Variants in TEX9 observed in about 807,000 individuals in gnomAD.
The protein encoded by TEX9 is testis expressed 9, also known as testis-expressed protein 9.
A neutral mutation model predicts 59.6 loss-of-function variants in TEX9; 74 were observed. That is an observed-to-expected ratio of 1.24 (90% CI 1.03 to 1.51). TEX9 has a LOEUF of 1.51. Ranked by LOEUF, TEX9 falls within the 40% of genes most tolerant of loss-of-function variation. The pLI, the probability that TEX9 is intolerant of heterozygous loss-of-function variation, is 0.00. For synonymous variants in TEX9, 186 were observed against 152.2 expected (o/e 1.22, Z -1.64); for missense variants, 522 against 447.8 (o/e 1.17, Z -1.49).
At chr15:56,325,284 G>T (rs1195190121) in intron 1 of TEX9, among the ~76,000 whole-genome samples, 1 of 152,176 alleles carries the variant, frequency 6.6e-6, no homozygotes, top group Admixed American at 6.5e-5. Flanking sequence ...AGTGGTGAAA[G>T]AAAGAACAGA....
At chr15:56,319,795 G>A (rs1238384860) in intron 1 of TEX9, among the ~76,000 whole-genome samples, 2 of 152,124 alleles carry the variant, frequency 1.3e-5, no homozygotes, top group Non-Finnish European at 2.9e-5. Context: ...AAAATATTGT[G>A]AATCATATCT....
intron 1 of TEX9, among the ~76,000 whole-genome samples, chr15:56,290,237 G>C (rs1596068255): frequency 6.6e-6 from 1 of 152,028 alleles, no homozygotes; most frequent in East Asian, 1.9e-4. Context: ...TGCAGGGAGG[G>C]TCATGCACTC....
exon 9 of TEX9, chr15:56,394,823 T>G: frequency 6.2e-7 from 1 of 1,608,488 alleles, no homozygotes; most frequent in East Asian, 2.2e-5. Context: ...ACAGTTGTCT[T>G]CAGTAGAAAG....
intron 1 of TEX9, among the ~76,000 whole-genome samples, chr15:56,247,240 C>T (rs2043880698): frequency 2.6e-5 from 4 of 152,050 alleles, no homozygotes; most frequent in Non-Finnish European, 5.9e-5. Flanking sequence ...CAGTATTGGG[C>T]ACGGAAAATA....
intron 1 of TEX9, among the ~76,000 whole-genome samples, chr15:56,333,403 A>C (rs555864757): frequency 1.3e-5 from 2 of 152,192 alleles, no homozygotes; most frequent in African/African-American, 4.8e-5. Context: ...CAACAGAATG[A>C]AGGAAAAAAA....
At chr15:56,457,959 A>G in the TEX9 span, among the ~76,000 whole-genome samples, 4 of 152,202 alleles carry the variant, frequency 2.6e-5, no homozygotes, top group African/African-American at 9.7e-5. Context: ...GCCAATACCA[A>G]AAATACTCCA....
exon 1 of TEX9, chr15:56,365,464 G>A (rs766393922): frequency 2.5e-6 from 4 of 1,613,576 alleles, no homozygotes. Context: ...GCGGGGCGAA[G>A]TCTGTGTCTC....
At chr15:56,335,775 C>G (rs2046245378) in intron 1 of TEX9, among the ~76,000 whole-genome samples, 1 of 151,924 alleles carries the variant, frequency 6.6e-6, no homozygotes, top group Admixed American at 6.6e-5. Context: ...AATATATATA[C>G]CTACTATATA....
chr15:56,327,291 C>T (rs1167561008), intron 1 of TEX9, among the ~76,000 whole-genome samples: 2 of 152,070 alleles, frequency 1.3e-5, no homozygotes, highest in African/African-American at 4.8e-5. Context: ...TAGATTAGTT[C>T]CGGGTTTTTG....
At chr15:56,368,883 T>C (rs906256909) in intron 2 of TEX9, among the ~76,000 whole-genome samples, 3 of 152,160 alleles carry the variant, frequency 2.0e-5, no homozygotes, top group Non-Finnish European at 4.4e-5. Flanking sequence ...TAATCTGTGC[T>C]ATTTTAAAAT....
intron 1 of TEX9, among the ~76,000 whole-genome samples, chr15:56,260,718 A>G (rs1483123665): frequency 1.3e-5 from 2 of 151,990 alleles, no homozygotes; most frequent in African/African-American, 2.4e-5. Context: ...GTATTATAAT[A>G]TCTTTGTCAT....
intron 1 of TEX9, among the ~76,000 whole-genome samples, chr15:56,306,402 A>T (rs1055827821): frequency 6.6e-6 from 1 of 152,162 alleles, no homozygotes; most frequent in Non-Finnish European, 1.5e-5. Context: ...TGTGGTACCT[A>T]TACACAATGG....
chr15:56,324,294 A>T (rs2045970763), intron 1 of TEX9, among the ~76,000 whole-genome samples: 1 of 152,138 alleles, frequency 6.6e-6, no homozygotes, highest in African/African-American at 2.4e-5. Context: ...TTTTGGAAGT[A>T]GTCCTTCCTG....
chr15:56,417,324 T>C (rs573682933), intron 10 of TEX9, among the ~76,000 whole-genome samples: 32 of 152,052 alleles, frequency 2.1e-4, no homozygotes, highest in African/African-American at 7.7e-4. Context: ...AACTTTTTGA[T>C]GTGGGCGTTT....
intron 1 of TEX9, among the ~76,000 whole-genome samples, chr15:56,326,247 A>G (rs1402125065): frequency 4.0e-5 from 6 of 151,008 alleles, no homozygotes; most frequent in African/African-American, 1.5e-4. Flanking sequence ...CTCTTTTTCT[A>G]TGGTTTTTTA....
the TEX9 span, among the ~76,000 whole-genome samples, chr15:56,453,577 G>A: frequency 2.6e-5 from 4 of 151,828 alleles, no homozygotes; most frequent in Non-Finnish European, 2.9e-5. Flanking sequence ...TGAGATATGA[G>A]GTACTTGCTT....
At chr15:56,394,985 C>T (rs2048393472) in intron 9 of TEX9, 151 bp downstream of exon 9, 1 of 756,268 alleles carries the variant, frequency 1.3e-6, no homozygotes. Flanking sequence ...TTTTTAACAA[C>T]TTTATTGAGA....
chr15:56,454,930 A>G, the TEX9 span, among the ~76,000 whole-genome samples: 1 of 152,176 alleles, frequency 6.6e-6, no homozygotes, highest in Non-Finnish European at 1.5e-5. Flanking sequence ...ACTAAAGTGC[A>G]CAAATCTTAA....
At chr15:56,276,163 G>A (rs748591601) in intron 1 of TEX9, among the ~76,000 whole-genome samples, 1 of 151,474 alleles carries the variant, frequency 6.6e-6, no homozygotes, top group Non-Finnish European at 1.5e-5. Flanking sequence ...TTTAATTTTA[G>A]TTTTTTATTT....
Sources: allele counts gnomAD v4.1 joint callset (sites outside exome capture counted in the v4.1 genomes callset), GRCh38; gene constraint gnomAD v4.1.1; transcripts MANE v1.5; gene names NCBI Gene and HGNC (gene_info 2026-07-23, HGNC 2026-07-21).